PDLIM5: variants seen among roughly 807,000 people sequenced by gnomAD.
PDLIM5 encodes the protein PDZ and LIM domain 5.
PDLIM5 carries 34 observed loss-of-function variants against 64.2 expected under a neutral mutation model. That is an observed-to-expected ratio of 0.53 (90% CI 0.40 to 0.71). The LOEUF (loss-of-function observed/expected upper bound fraction) is 0.71. PDLIM5 is among the 30% of genes least tolerant of loss of function. PDLIM5 has a pLI of 0.00. For synonymous variants in PDLIM5, 253 were observed against 269.1 expected (o/e 0.94, Z 0.59); for missense variants, 683 against 733.6 (o/e 0.93, Z 0.80).
rs73833958 is a variant in PDLIM5, at chr4:94,539,681, G to T, written c.248+15806G>T. The stretch of plus-strand genomic sequence containing the variant: ...GGAACAGAGAGAAAGGAGTGTAGAG[G>T]AGTCAACATGTTCCAGGAGATATTG... On this transcript the variant is annotated intron_variant, in intron 3 of 12. Coordinates refer to ENST00000317968, the MANE Select transcript of PDLIM5 (RefSeq NM_006457.5). 5.1e-3 allele frequency among the ~76,000 whole-genome samples: 782 copies of T among 152,270 alleles called. 8 individuals are homozygous for T. Among genetic ancestry groups the T allele is most frequent in the African/African-American group, 0.018 (749 of 41,548 alleles).
Position 94,559,816 on chromosome 4 carries a change from T to C in PDLIM5, c.249-13535T>C, listed in dbSNP as rs1253398830. 2.0e-5 allele frequency among the ~76,000 whole-genome samples: 3 copies of C among 152,350 alleles called. No homozygotes were observed. In the East Asian group the frequency reaches 5.8e-4, roughly 29 times the overall value. The stretch of plus-strand genomic sequence containing the variant: ...TGACTGGGCCTTTGGGTTATAACCA[T>C]TGATGCAAATGAAAAAGGAAGAAAC... On this transcript the variant is annotated intron_variant, in intron 3 of 12. Transcript: ENST00000317968.
At position 94,654,446 on chromosome 4, in the gene PDLIM5, T is replaced by G; in HGVS notation, c.1284-14T>G. The G allele has an allele frequency of 6.3e-7, 1 of 1,582,426 alleles. No individual in the cohort carries two copies. Among genetic ancestry groups the G allele is most frequent in the Non-Finnish European group, 8.7e-7 (1 of 1,153,838 alleles). ...TTATTCTCAAACTTAGTTGGCCTCT[T>G]TTTCTTCTGTCAGAGGACCATTCTT... On this transcript the variant is annotated splice_polypyrimidine_tract_variant and intron_variant, in intron 9 of 12. Coordinates refer to ENST00000317968, the MANE Select transcript of PDLIM5 (RefSeq NM_006457.5).
chr4:94,587,821 A>G, intron 7 of PDLIM5: 1 of 854,142 alleles, frequency 1.2e-6, no homozygotes, highest in Non-Finnish European at 1.4e-6. Flanking sequence ...AATATAGACA[A>G]TTTCTAGGTA....
chr4:94,512,949 T>C (rs757346947), intron 2 of PDLIM5, among the ~76,000 whole-genome samples: 4 of 152,242 alleles, frequency 2.6e-5, no homozygotes, highest in Admixed American at 6.5e-5. Flanking sequence ...TTCTTCTGCA[T>C]ATGGATGTTC....
chr4:94,629,244 G>A (rs996988529), intron 8 of PDLIM5, among the ~76,000 whole-genome samples: 3 of 152,120 alleles, frequency 2.0e-5, no homozygotes, highest in Non-Finnish European at 4.4e-5. Flanking sequence ...AGCTACCTGG[G>A]AGGCTGAGGC....
chr4:94,586,504 GT>G, intron 7 of PDLIM5, 60 bp downstream of exon 7: 1 of 1,023,144 alleles, frequency 9.8e-7, no homozygotes. Context: ...TCTCAATTTA[GT>G]TTTTCAAATT....
chr4:94,614,362 G>C (rs1738609430), intron 7 of PDLIM5, among the ~76,000 whole-genome samples: 1 of 152,118 alleles, frequency 6.6e-6, no homozygotes, highest in South Asian at 2.1e-4. Flanking sequence ...CAGTCCTTCT[G>C]TCTTGGTCTC....
intron 2 of PDLIM5, among the ~76,000 whole-genome samples, chr4:94,467,755 T>A (rs777987162): frequency 6.6e-6 from 1 of 152,208 alleles, no homozygotes; most frequent in Non-Finnish European, 1.5e-5. Context: ...TCAGCCAGGA[T>A]TTGTTTTTTG....
chr4:94,452,935 A>C (rs1722996646), intron 1 of PDLIM5, among the ~76,000 whole-genome samples: 1 of 152,098 alleles, frequency 6.6e-6, no homozygotes, highest in African/African-American at 2.4e-5. Flanking sequence ...CTTCAGCTCT[A>C]CCTACATTCT....
chr4:94,629,218 G>A (rs1322404356), intron 8 of PDLIM5, among the ~76,000 whole-genome samples: 4 of 152,080 alleles, frequency 2.6e-5, no homozygotes, highest in East Asian at 1.9e-4. Flanking sequence ...GCGTGGTGGC[G>A]TGTGCCTGTA....
In PDLIM5 at chr4:94,663,962, G is replaced by A; in HGVS notation, c.1702-16G>A. The A allele has an allele frequency of 6.3e-7, 1 of 1,591,968 alleles. No individual in the cohort carries two copies. Among genetic ancestry groups the A allele is most frequent in the Non-Finnish European group, 8.6e-7 (1 of 1,162,314 alleles). ...TCCTCTTAAATAATATCTCTTAAAT[G>A]CTGCTTCTTTTTCAGGTGTGTTGTG... On this transcript the variant is annotated splice_polypyrimidine_tract_variant and intron_variant, in intron 12 of 12. Coordinates refer to ENST00000317968, the MANE Select transcript of PDLIM5 (RefSeq NM_006457.5).
chr4:94,519,627 G>T (rs891789719), intron 2 of PDLIM5, among the ~76,000 whole-genome samples: 6 of 152,134 alleles, frequency 3.9e-5, no homozygotes, highest in Non-Finnish European at 8.8e-5. Context: ...CAAAACAGAG[G>T]AATGATGAAG....
At chr4:94,472,780 T>C (rs1560638153) in intron 2 of PDLIM5, among the ~76,000 whole-genome samples, 1 of 152,212 alleles carries the variant, frequency 6.6e-6, no homozygotes, top group Non-Finnish European at 1.5e-5. Context: ...TTATAAAATT[T>C]AGCAAATCTG....
At chr4:94,586,291 G>C in intron 6 of PDLIM5, 117 bp from the exon 7 acceptor site, 2 of 625,152 alleles carry the variant, frequency 3.2e-6, no homozygotes, top group Non-Finnish European at 5.8e-6. Context: ...TATGGAATTC[G>C]TTTTAGTGGC....
Position 94,662,438 on chromosome 4 carries a change from T to C in PDLIM5, c.1602T>C (p.Phe534=). Residue 534 remains phenylalanine, a synonymous_variant, in exon 12 of 13, where the codon TTT becomes TTC. Transcript: ENST00000317968. ...TTAATACAGATTATTATGCCCTCTT[T>C]GGTACTATATGCCATGGATGTGAAT... ...PYCETDYYAL[F]GTICHGCEFP... 6.5e-7 allele frequency: 1 copy of C among 1,544,570 alleles called. No individual in the cohort carries two copies. The highest frequency in any genetic ancestry group is 1.1e-5 in the South Asian group (1 of 89,630).
intron 3 of PDLIM5, among the ~76,000 whole-genome samples, chr4:94,532,640 T>A (rs1007092689): frequency 1.1e-4 from 17 of 152,204 alleles, no homozygotes; most frequent in African/African-American, 3.9e-4. Context: ...GACAGTTTGC[T>A]GCTTACTCAT....
At chr4:94,606,781 CAGTT>C (rs1188624328) in intron 7 of PDLIM5, among the ~76,000 whole-genome samples, 1 of 152,168 alleles carries the variant, frequency 6.6e-6, no homozygotes, top group Non-Finnish European at 1.5e-5. Context: ...TGGTCTGTCA[CAGTT>C]AGTCAGTTCT....
intron 2 of PDLIM5, chr4:94,457,064 ATG>A: frequency 4.7e-6 from 4 of 846,820 alleles, no homozygotes; most frequent in Non-Finnish European, 5.7e-6. Flanking sequence ...ATATATGTGT[ATG>A]TATAAATATA....
intron 2 of PDLIM5, among the ~76,000 whole-genome samples, chr4:94,468,186 C>T (rs1444388750): frequency 1.3e-5 from 2 of 151,954 alleles, no homozygotes; most frequent in Non-Finnish European, 2.9e-5. Flanking sequence ...TGGGGTCTTG[C>T]TCTGTCACTC....
Sources: allele counts gnomAD v4.1 joint callset (sites outside exome capture counted in the v4.1 genomes callset), GRCh38; gene constraint gnomAD v4.1.1; transcripts MANE v1.5; gene names NCBI Gene and HGNC (gene_info 2026-07-23, HGNC 2026-07-21).